VPS13A: variants seen among roughly 807,000 people sequenced by gnomAD.
VPS13A encodes the protein intermembrane lipid transfer protein VPS13A.
A neutral mutation model predicts 390.9 loss-of-function variants in VPS13A; 264 were observed. The observed-to-expected ratio is 0.68, with a 90% CI of 0.61 to 0.75. The LOEUF is 0.75. Among genes scored for constraint, VPS13A ranks in the 30% least tolerant of loss-of-function variants. The probability of loss-of-function intolerance (pLI) is 0.00; values close to 1 mark genes in which losing one functional copy is unlikely to be tolerated. For synonymous variants in VPS13A, 1,231 were observed against 1,227.1 expected, an observed-to-expected ratio of 1.00 and a Z score of -0.07; for missense variants, 3,409 against 3,733.9, an observed-to-expected ratio of 0.91 and a Z score of 2.27.
intron 46 of VPS13A, among the ~76,000 whole-genome samples, chr9:77,333,785 AAC>A: frequency 6.6e-6 from 1 of 152,230 alleles, no homozygotes; most frequent in Admixed American, 6.5e-5. Context: ...GATGCAGATA[AAC>A]ACAGGAAAAC....
At chr9:77,200,847 T>C (rs996840465) in intron 2 of VPS13A, among the ~76,000 whole-genome samples, 1 of 152,198 alleles carries the variant, frequency 6.6e-6, no homozygotes, top group Non-Finnish European at 1.5e-5. Context: ...GTTTAGATCT[T>C]AGATCCATTT....
intron 31 of VPS13A, among the ~76,000 whole-genome samples, chr9:77,292,639 C>T (rs1472451609): frequency 6.7e-6 from 1 of 149,136 alleles, no homozygotes; most frequent in East Asian, 1.9e-4. Flanking sequence ...AACTGATTTG[C>T]TTGTTGATGG....
At chr9:77,300,763 T>C (rs1828295407) in intron 33 of VPS13A, among the ~76,000 whole-genome samples, 1 of 152,246 alleles carries the variant, frequency 6.6e-6, no homozygotes, top group Non-Finnish European at 1.5e-5. Flanking sequence ...AAATGCAGTT[T>C]AGTTACAACT....
intron 9 of VPS13A, among the ~76,000 whole-genome samples, chr9:77,213,613 G>A (rs973821552): frequency 3.3e-5 from 5 of 150,720 alleles, no homozygotes; most frequent in African/African-American, 1.2e-4. Context: ...CATCCTTCCT[G>A]CCTCAGCCTC....
At chr9:77,282,389 C>T in intron 29 of VPS13A, 115 bp downstream of exon 29, 1 of 983,110 alleles carries the variant, frequency 1.0e-6, no homozygotes, top group Non-Finnish European at 1.5e-6. Flanking sequence ...ATTCTGTTGC[C>T]TAGGTTAATA....
intron 23 of VPS13A, among the ~76,000 whole-genome samples, chr9:77,271,641 C>G (rs879847022): frequency 1.3e-5 from 2 of 152,090 alleles, no homozygotes; most frequent in African/African-American, 4.8e-5. Context: ...AATACTAATA[C>G]ATGTAGCAGT....
intron 19 of VPS13A, among the ~76,000 whole-genome samples, chr9:77,241,436 C>CTTT (rs200979725): frequency 1.8e-4 from 23 of 128,704 alleles, no homozygotes; most frequent in Middle Eastern, 4.1e-3. Flanking sequence ...TTACACTTGT[C>CTTT]TTTTTTTTTT....
At chr9:77,341,666 A>AGT (rs1436310863) in intron 50 of VPS13A, among the ~76,000 whole-genome samples, 2 of 107,324 alleles carry the variant, frequency 1.9e-5, no homozygotes, top group Non-Finnish European at 3.7e-5. Context: ...CTTCATTCTG[A>AGT]GTAAGTTCTA....
In VPS13A at chr9:77,364,124, T is replaced by C. The variant is rs148459020; in HGVS notation, c.8212-1336T>C. Among the ~76,000 whole-genome samples, 28 of 152,234 alleles carry C rather than the reference T, an allele frequency of 1.8e-4. 1 individual carries two copies. In the East Asian group the frequency reaches 5.2e-3, roughly 28 times the overall value. On this transcript the variant is annotated intron_variant, in intron 59 of 71. Transcript: ENST00000360280. ...GAGCTTTTTTACCCTGCACAGAGGC[T>C]GGACAGAGAAAGGAAGCCCTGCCAA...
At chr9:77,192,743 C>T (rs569399080) in intron 1 of VPS13A, among the ~76,000 whole-genome samples, 1 of 152,162 alleles carries the variant, frequency 6.6e-6, no homozygotes, top group South Asian at 2.1e-4. Flanking sequence ...TGTAGTAGAC[C>T]TACCCCTTCT....
At chr9:77,229,435 T>C (rs1823700955) in intron 17 of VPS13A, among the ~76,000 whole-genome samples, 2 of 152,206 alleles carry the variant, frequency 1.3e-5, no homozygotes, top group Non-Finnish European at 2.9e-5. Context: ...CACTCCCAAG[T>C]GCCCCCTTAC....
intron 52 of VPS13A, among the ~76,000 whole-genome samples, chr9:77,348,890 G>A (rs1283040261): frequency 6.6e-6 from 1 of 152,020 alleles, no homozygotes; most frequent in Non-Finnish European, 1.5e-5. Context: ...GAATTAAACA[G>A]ATTAAAATTT....
At chr9:77,231,968 G>A (rs1319904206) in intron 17 of VPS13A, among the ~76,000 whole-genome samples, 1 of 152,098 alleles carries the variant, frequency 6.6e-6, no homozygotes, top group Non-Finnish European at 1.5e-5. Flanking sequence ...ATTTGCATGT[G>A]GATATCCCGG....
chr9:77,214,763 A>C (rs1028292025), intron 10 of VPS13A, among the ~76,000 whole-genome samples: 1 of 152,206 alleles, frequency 6.6e-6, no homozygotes, highest in Non-Finnish European at 1.5e-5. Flanking sequence ...GCTGCATTTA[A>C]AATTTTTTTA....
intron 67 of VPS13A, among the ~76,000 whole-genome samples, chr9:77,374,157 T>G (rs1832945323): frequency 6.6e-6 from 1 of 152,190 alleles, no homozygotes; most frequent in African/African-American, 2.4e-5. Context: ...TGTTATAAGT[T>G]GTTATAGTAG....
At chr9:77,206,761 T>A (rs147561537) in intron 5 of VPS13A, among the ~76,000 whole-genome samples, 191 of 152,286 alleles carry the variant, frequency 1.3e-3, no homozygotes, top group Admixed American at 0.011. Context: ...TAGTCATCTG[T>A]TTATGTTCTT....
intron 22 of VPS13A, among the ~76,000 whole-genome samples, chr9:77,256,906 T>C (rs1249340015): frequency 6.6e-6 from 1 of 152,182 alleles, no homozygotes; most frequent in Non-Finnish European, 1.5e-5. Flanking sequence ...ACGTGATCTC[T>C]TGTAGACAGT....
chr9:77,411,789 A>G (rs1208643857), intron 71 of VPS13A, among the ~76,000 whole-genome samples: 3 of 151,988 alleles, frequency 2.0e-5, no homozygotes, highest in Non-Finnish European at 4.4e-5. Context: ...AAACCCTTCA[A>G]AAAATGAATC....
At chr9:77,269,066 A>T (rs1245606057) in intron 23 of VPS13A, among the ~76,000 whole-genome samples, 1 of 152,118 alleles carries the variant, frequency 6.6e-6, no homozygotes, top group Non-Finnish European at 1.5e-5. Context: ...GGAGGGCAAA[A>T]GTTTAATTTT....
Sources: allele counts gnomAD v4.1 joint callset (sites outside exome capture counted in the v4.1 genomes callset), GRCh38; gene constraint gnomAD v4.1.1; transcripts MANE v1.5; gene names NCBI Gene and HGNC (gene_info 2026-07-23, HGNC 2026-07-21).